Variants in ABCC4 observed in about 807,000 individuals in gnomAD.
ABCC4 encodes ATP binding cassette subfamily C member 4 (PEL blood group), also known as ATP-binding cassette sub-family C member 4.
A neutral mutation model predicts 168.5 loss-of-function variants in ABCC4; 102 were observed. The ratio of observed to expected loss-of-function variants is 0.61; its 90% CI spans 0.52 to 0.71. The LOEUF (loss-of-function observed/expected upper bound fraction) is 0.71. Among genes scored for constraint, ABCC4 ranks in the 30% least tolerant of loss-of-function variants. ABCC4 has a pLI of 0.00. For synonymous variants in ABCC4, 617 were observed against 590.7 expected (o/e 1.04, Z -0.65); for missense variants, 1,402 against 1,605.8 (o/e 0.87, Z 2.17).
intron 20 of ABCC4, among the ~76,000 whole-genome samples, chr13:95,095,511 T>C (rs1159970441): frequency 6.6e-6 from 1 of 152,118 alleles, no homozygotes; most frequent in African/African-American, 2.4e-5. Flanking sequence ...GGCATAAGAA[T>C]GATACAATGG....
At chr13:95,252,626 G>C (rs2040294269) in intron 1 of ABCC4, among the ~76,000 whole-genome samples, 1 of 152,196 alleles carries the variant, frequency 6.6e-6, no homozygotes, top group Non-Finnish European at 1.5e-5. Flanking sequence ...AGTGAGCTGA[G>C]ATCGCACCTT....
chr13:95,027,787 AG>A (rs1368006836), intron 30 of ABCC4, among the ~76,000 whole-genome samples: 3 of 152,212 alleles, frequency 2.0e-5, no homozygotes, highest in African/African-American at 7.2e-5. Context: ...AAAGGTAAAA[AG>A]GAATACTAAA....
chr13:95,089,538 C>T (rs2139346966), intron 20 of ABCC4, among the ~76,000 whole-genome samples: 1 of 152,240 alleles, frequency 6.6e-6, no homozygotes, highest in Admixed American at 6.5e-5. Context: ...GAAACACTTG[C>T]AACCGGAAGC....
At chr13:95,141,818 C>A (rs2036327557) in intron 19 of ABCC4, among the ~76,000 whole-genome samples, 1 of 152,210 alleles carries the variant, frequency 6.6e-6, no homozygotes, top group South Asian at 2.1e-4. Context: ...CCAGGCTGGC[C>A]TCAAACTCCT....
intron 29 of ABCC4, among the ~76,000 whole-genome samples, chr13:95,042,676 G>A (rs925519648): frequency 3.3e-5 from 5 of 152,180 alleles, no homozygotes; most frequent in Admixed American, 6.5e-5. Context: ...CAGCGCTGAT[G>A]GATCAAGAAG....
At chr13:95,274,834 T>C (rs1393871723) in intron 1 of ABCC4, among the ~76,000 whole-genome samples, 1 of 152,154 alleles carries the variant, frequency 6.6e-6, no homozygotes, top group African/African-American at 2.4e-5. Flanking sequence ...CCCAGCACTT[T>C]GGGAGGCCGA....
intron 19 of ABCC4, among the ~76,000 whole-genome samples, chr13:95,147,416 T>C (rs1232359046): frequency 2.0e-5 from 3 of 152,176 alleles, no homozygotes; most frequent in African/African-American, 7.2e-5. Context: ...TTTAAACATA[T>C]TTTGCGCAAG....
intron 13 of ABCC4, among the ~76,000 whole-genome samples, chr13:95,171,960 T>C (rs1453204056): frequency 6.6e-6 from 1 of 152,166 alleles, no homozygotes; most frequent in East Asian, 1.9e-4. Context: ...TATATCAAGA[T>C]TGGCTGCCAT....
At chr13:95,176,891 G>C (rs1348043573) in intron 13 of ABCC4, among the ~76,000 whole-genome samples, 1 of 152,218 alleles carries the variant, frequency 6.6e-6, no homozygotes, top group Non-Finnish European at 1.5e-5. Context: ...GACTATGTAG[G>C]AAGTGTCAGT....
intron 19 of ABCC4, among the ~76,000 whole-genome samples, chr13:95,148,713 T>C (rs2139502565): frequency 6.6e-6 from 1 of 151,304 alleles, no homozygotes; most frequent in Non-Finnish European, 1.5e-5. Flanking sequence ...TCATTTGACA[T>C]CAAATGAAAG....
intron 26 of ABCC4, chr13:95,055,547 G>A (rs1362975818): frequency 6.6e-6 from 1 of 152,136 alleles, no homozygotes; most frequent in Non-Finnish European, 1.5e-5. Flanking sequence ...ATACTGAGTA[G>A]TAATTTTGTC....
At chr13:95,150,021 G>C (rs186056099) in intron 19 of ABCC4, among the ~76,000 whole-genome samples, 4 of 152,032 alleles carry the variant, frequency 2.6e-5, no homozygotes, top group African/African-American at 7.2e-5. Context: ...TCCTAGGCTT[G>C]GGGGGGCAAT....
intron 29 of ABCC4, among the ~76,000 whole-genome samples, chr13:95,040,537 C>A (rs911350201): frequency 1.9e-4 from 29 of 152,150 alleles, no homozygotes; most frequent in Admixed American, 8.5e-4. Flanking sequence ...CGCCCAGCCC[C>A]AGTTTGTGCT....
intron 1 of ABCC4, among the ~76,000 whole-genome samples, chr13:95,258,366 G>A (rs2040444372): frequency 6.6e-6 from 1 of 152,028 alleles, no homozygotes; most frequent in Middle Eastern, 3.2e-3. Context: ...ATTCCCGTTT[G>A]TCCCCTTGCG....
chr13:95,056,648 G>GAA (rs1272119900), intron 26 of ABCC4, among the ~76,000 whole-genome samples: 1 of 63,328 alleles, frequency 1.6e-5, no homozygotes, highest in Non-Finnish European at 3.5e-5. Flanking sequence ...TCAAAAAGAA[G>GAA]AAAAAAAAAA....
intron 4 of ABCC4, among the ~76,000 whole-genome samples, chr13:95,231,216 C>A (rs1406367694): frequency 8.6e-5 from 13 of 151,966 alleles, no homozygotes; most frequent in Non-Finnish European, 1.8e-4. Flanking sequence ...TTGGGAGGCA[C>A]AATGATGTGA....
intron 17 of ABCC4, 141 bp downstream of exon 17, chr13:95,163,469 A>C: frequency 1.2e-6 from 1 of 805,782 alleles, no homozygotes; most frequent in Non-Finnish European, 2.0e-6. Flanking sequence ...CTCCACCAGC[A>C]AGCACTCTAA....
chr13:95,209,619 G>T, intron 5 of ABCC4, 22 bp from the exon 6 acceptor site: 2 of 1,594,954 alleles, frequency 1.3e-6, no homozygotes, highest in Non-Finnish European at 1.7e-6. Flanking sequence ...AAGACAGAGC[G>T]TTCTTAGGAC....
intron 19 of ABCC4, among the ~76,000 whole-genome samples, chr13:95,151,602 GAGA>G (rs746485115): frequency 3.6e-4 from 30 of 83,332 alleles, no homozygotes; most frequent in Non-Finnish European, 6.2e-4. Context: ...GAAGGAGGAG[GAGA>G]AGGAGAAGGA....
Sources: allele counts gnomAD v4.1 joint callset (sites outside exome capture counted in the v4.1 genomes callset), GRCh38; gene constraint gnomAD v4.1.1; transcripts MANE v1.5; gene names NCBI Gene and HGNC (gene_info 2026-07-23, HGNC 2026-07-21).